The following SIL1 variants were observed in gnomAD, a reference collection of about 807,000 sequenced individuals.
SIL1 encodes SIL1 nucleotide exchange factor.
SIL1 carries 40 observed loss-of-function variants against 49.1 expected under a neutral mutation model. The observed-to-expected ratio is 0.81, with a 90% CI of 0.63 to 1.06. The LOEUF (loss-of-function observed/expected upper bound fraction) is 1.06. SIL1 is among the 50% of genes least tolerant of loss of function. The pLI, the probability that SIL1 is intolerant of heterozygous loss-of-function variation, is 0.00. For synonymous variants in SIL1, 253 were observed against 250.8 expected (o/e 1.01, Z -0.08); for missense variants, 500 against 572.6 (o/e 0.87, Z 1.29).
chr5:139,095,992 G>A (rs946182472), intron 3 of SIL1, among the ~76,000 whole-genome samples: 1 of 152,194 alleles, frequency 6.6e-6, no homozygotes, highest in Non-Finnish European at 1.5e-5. Context: ...CCAAAAATCA[G>A]GTGAGCATTC....
Position 139,193,118 on chromosome 5 carries a change from A to C in SIL1, c.-11+5151T>G, listed in dbSNP as rs936195017. On this transcript the variant is annotated intron_variant, in intron 1 of 9. Coordinates refer to ENST00000394817, the MANE Select transcript of SIL1 (RefSeq NM_022464.5). ...CTACATTAAAGAAAGAATATCAGATAAGACCATGCATTCTCAGTGAGTGCA... is the reference window on the plus strand; with the variant it reads ...CTACATTAAAGAAAGAATATCAGATCAGACCATGCATTCTCAGTGAGTGCA... Among the ~76,000 whole-genome samples, 18 of 152,292 alleles carry C rather than the reference A, an allele frequency of 1.2e-4. No homozygotes were observed. The East Asian group carries it at 2.1e-3, about 18-fold the overall frequency.
intron 3 of SIL1, among the ~76,000 whole-genome samples, chr5:139,085,522 G>A (rs995254098): frequency 1.3e-5 from 2 of 152,158 alleles, no homozygotes; most frequent in African/African-American, 4.8e-5. Context: ...GAGTGGAAAC[G>A]AGAGCAGTGG....
At chr5:138,991,334 T>C (rs895798193) in intron 7 of SIL1, among the ~76,000 whole-genome samples, 6 of 152,246 alleles carry the variant, frequency 3.9e-5, no homozygotes, top group African/African-American at 1.4e-4. Flanking sequence ...CTCAAGGCTG[T>C]GTATGCAAGT....
rs1766786432 is a variant in SIL1, at chr5:138,951,846, G to A, written c.806C>T (p.Ala269Val). Residue 269 changes from alanine (A) to valine (V), a missense_variant, in exon 8 of 10, where the codon GCC becomes GTC. Physicochemically the swap from Ala to Val is moderately conservative, Grantham distance 64. Transcript: ENST00000394817. ...CAGGATGACCAGCAGCTTCTGCAGGGCTCCCCCTTCGATGGCCTCCACCTG... is the reference window on the plus strand; with the variant it reads ...CAGGATGACCAGCAGCTTCTGCAGGACTCCCCCTTCGATGGCCTCCACCTG... ...KVQVEAIEGGALQKLLVILAT... is the reference protein window; with the variant it reads ...KVQVEAIEGGVLQKLLVILAT... 1 of 1,613,984 alleles carries A rather than the reference G, an allele frequency of 6.2e-7. No homozygotes were observed. The highest frequency in any genetic ancestry group is 8.5e-7 in the Non-Finnish European group (1 of 1,180,034).
rs531808276 is a variant in SIL1, at chr5:138,947,898, A to G, written c.1030-425T>C. Among the ~76,000 whole-genome samples, 30 of 152,250 alleles carry G rather than the reference A, an allele frequency of 2.0e-4. No homozygotes were observed. Among genetic ancestry groups the G allele is most frequent in the Admixed American group, 1.8e-3 (27 of 15,294 alleles). On this transcript the variant is annotated intron_variant, in intron 9 of 9. Transcript: ENST00000394817. This position sits in a 1 kb window ranked among gnomAD's most constrained non-coding sequence, Gnocchi z 4.1. Reference sequence around the variant, plus strand: ...TGAGACTCATCGTCATCACCTCCTAAGTGGAGAAACTCAGCCTGTCTGTAA... The same window carrying G: ...TGAGACTCATCGTCATCACCTCCTAGGTGGAGAAACTCAGCCTGTCTGTAA...
rs201791360 is a variant in SIL1 at position 139,112,169 on chromosome 5, T to C, written c.244+8866A>G. On this transcript the variant is annotated intron_variant, in intron 3 of 9. Transcript: ENST00000394817. ...GTGCTCAATGTTGCCCAGGCTGGAG[T>C]GCAGTGGCGTGATCTCAGCTAGCTA... Among the ~76,000 whole-genome samples the C allele has an allele frequency of 5.9e-5, 9 of 152,268 alleles. No individual in the cohort carries two copies. In the East Asian group the frequency reaches 1.7e-3, roughly 29 times the overall value.
At chr5:139,025,742 C>T (rs900717831) in intron 6 of SIL1, among the ~76,000 whole-genome samples, 3 of 152,124 alleles carry the variant, frequency 2.0e-5, no homozygotes, top group Non-Finnish European at 4.4e-5. Flanking sequence ...AGAATCTCTG[C>T]ACATGTTGTT....
intron 4 of SIL1, among the ~76,000 whole-genome samples, chr5:139,046,139 C>T (rs748227685): frequency 6.6e-6 from 1 of 152,160 alleles, no homozygotes; most frequent in East Asian, 1.9e-4. Flanking sequence ...CCAGCCTGGC[C>T]AACATGGTGA....
intron 7 of SIL1, among the ~76,000 whole-genome samples, chr5:139,009,957 T>C (rs1768215579): frequency 1.3e-5 from 2 of 152,008 alleles, no homozygotes; most frequent in African/African-American, 2.4e-5. Context: ...TTGCTCTTCT[T>C]GAGGAGCATC....
At chr5:139,099,701 A>T (rs1207173715) in intron 3 of SIL1, among the ~76,000 whole-genome samples, 1 of 152,360 alleles carries the variant, frequency 6.6e-6, no homozygotes, top group Non-Finnish European at 1.5e-5. Flanking sequence ...ATATGTTCTT[A>T]CTTATTTGTG....
At chr5:139,025,668 C>T (rs535174897) in intron 6 of SIL1, among the ~76,000 whole-genome samples, 1 of 152,236 alleles carries the variant, frequency 6.6e-6, no homozygotes, top group South Asian at 2.1e-4. Context: ...CCCTCCAGGC[C>T]GCTGTGCTCC....
At chr5:139,176,966 T>C (rs1262628731) in intron 1 of SIL1, among the ~76,000 whole-genome samples, 1 of 123,798 alleles carries the variant, frequency 8.1e-6, no homozygotes, top group East Asian at 2.6e-4. Flanking sequence ...AGAGTCTCAC[T>C]CTGTCGCCCA....
intron 3 of SIL1, among the ~76,000 whole-genome samples, chr5:139,095,738 G>A (rs1041594823): frequency 6.6e-6 from 1 of 152,172 alleles, no homozygotes; most frequent in African/African-American, 2.4e-5. Context: ...TGAGGTGGGA[G>A]GACTGGTGGA....
At position 138,992,729 on chromosome 5, in the gene SIL1, G is replaced by C. The variant is rs140858451; in HGVS notation, c.767+28442C>G. On this transcript the variant is annotated intron_variant, in intron 7 of 9. Coordinates refer to ENST00000394817, the MANE Select transcript of SIL1 (RefSeq NM_022464.5). ...TTGGGGACTCGGGGAAGGGTGGGAG[G>C]GGGTGAGGGATAAAAGACTACACAC... is the stretch of plus-strand genomic sequence containing the variant. 2.6e-3 allele frequency among the ~76,000 whole-genome samples: 398 copies of C among 152,086 alleles called. 1 individual carries two copies. The highest frequency in any genetic ancestry group is 9.3e-3 in the African/African-American group (385 of 41,476).
intron 1 of SIL1, among the ~76,000 whole-genome samples, chr5:139,142,462 C>A (rs1751098844): frequency 6.6e-6 from 1 of 151,958 alleles, no homozygotes; most frequent in South Asian, 2.1e-4. Context: ...GTGTTTTATC[C>A]CAGGAATACA....
intron 3 of SIL1, among the ~76,000 whole-genome samples, chr5:139,095,645 G>C (rs1310500415): frequency 2.0e-5 from 3 of 152,146 alleles, no homozygotes; most frequent in Non-Finnish European, 1.5e-5. Context: ...ACTTTGAGAA[G>C]TGCAAAAAAT....
chr5:139,160,143 TCACACACACA>T (rs57028301), intron 1 of SIL1, among the ~76,000 whole-genome samples: 46,651 of 137,712 alleles, frequency 0.34, 9,138 homozygotes, highest in South Asian at 0.5. Flanking sequence ...ATTTCCACAA[TCACACACACA>T]CACACACACA....
Position 139,127,731 on chromosome 5 carries a change from A to G in SIL1, c.105+8T>C, listed in dbSNP as rs766396573. On this transcript the variant is annotated splice_region_variant and intron_variant, in intron 2 of 9. Transcript: ENST00000394817. ...AGGGTCCCTCCCATTTACAATAAAG[A>G]TATTTACCAGGTTCTGATGACTGAG... 2 of 1,605,414 alleles carry G rather than the reference A, an allele frequency of 1.2e-6. No homozygotes were observed. Among genetic ancestry groups the G allele is most frequent in the Non-Finnish European group, 8.5e-7 (1 of 1,176,594 alleles).
At chr5:138,987,269 T>C (rs889430030) in intron 7 of SIL1, among the ~76,000 whole-genome samples, 2 of 151,588 alleles carry the variant, frequency 1.3e-5, no homozygotes, top group African/African-American at 4.8e-5. Flanking sequence ...ACCACCACTC[T>C]TGGTTGCTTT....
Sources: gnomAD v4.1 joint callset for allele counts (sites outside exome capture counted in the v4.1 genomes callset) on GRCh38, gnomAD v4.1.1 for gene constraint, Gnocchi (gnomAD v3.1) non-coding constraint, MANE v1.5 for transcripts, NCBI Gene and HGNC (gene_info 2026-07-23, HGNC 2026-07-21) for gene names.